PTPRD: variants seen among roughly 807,000 people sequenced by gnomAD.
PTPRD encodes receptor-type tyrosine-protein phosphatase delta.
PTPRD carries 34 observed loss-of-function variants against 214.5 expected under a neutral mutation model. That is an observed-to-expected ratio of 0.16 (90% CI 0.12 to 0.21). The LOEUF (loss-of-function observed/expected upper bound fraction) is 0.21. PTPRD is among the 10% of genes least tolerant of loss of function. PTPRD has a pLI of 1.00. For synonymous variants in PTPRD, 1,128 were observed against 845.7 expected (o/e 1.33, Z -5.79); for missense variants, 2,545 against 2,398.7 (o/e 1.06, Z -1.27).
chr9:9,787,359 A>G (rs183204456), intron 5 of PTPRD, among the ~76,000 whole-genome samples: 102 of 151,206 alleles, frequency 6.7e-4, no homozygotes, highest in African/African-American at 2.4e-3. Context: ...ATGATATATG[A>G]TGACATATAA....
intron 3 of PTPRD, among the ~76,000 whole-genome samples, chr9:10,231,511 T>C (rs1475398194): frequency 6.6e-6 from 1 of 151,952 alleles, no homozygotes; most frequent in Non-Finnish European, 1.5e-5. Context: ...GGTGAGTTCT[T>C]GGACAGAAGA....
At chr9:8,745,963 T>G (rs985584417) in intron 11 of PTPRD, among the ~76,000 whole-genome samples, 1 of 152,170 alleles carries the variant, frequency 6.6e-6, no homozygotes, top group Admixed American at 6.5e-5. Context: ...ACATTTGGTT[T>G]TTCAATTTTT....
chr9:9,304,717 G>C (rs1251873771), intron 9 of PTPRD, among the ~76,000 whole-genome samples: 1 of 150,884 alleles, frequency 6.6e-6, no homozygotes, highest in Non-Finnish European at 1.5e-5. Context: ...ATAATCTCTA[G>C]ATTTTATATG....
At chr9:10,099,995 A>G (rs1332597353) in intron 3 of PTPRD, among the ~76,000 whole-genome samples, 1 of 151,764 alleles carries the variant, frequency 6.6e-6, no homozygotes, top group Non-Finnish European at 1.5e-5. Flanking sequence ...GTGTGATTTT[A>G]TAAATTCACC....
intron 7 of PTPRD, among the ~76,000 whole-genome samples, chr9:9,598,628 G>A (rs1329034033): frequency 6.6e-6 from 1 of 151,954 alleles, no homozygotes; most frequent in East Asian, 1.9e-4. Context: ...TCTATTTAAA[G>A]AAGTCTTACA....
chr9:10,166,895 C>T (rs986559563), intron 3 of PTPRD, among the ~76,000 whole-genome samples: 1 of 152,040 alleles, frequency 6.6e-6, no homozygotes, highest in Non-Finnish European at 1.5e-5. Flanking sequence ...TGTAGGTATA[C>T]AATAATCAGC....
intron 8 of PTPRD, among the ~76,000 whole-genome samples, chr9:9,423,511 G>C (rs556339593): frequency 6.6e-6 from 1 of 152,222 alleles, no homozygotes; most frequent in Middle Eastern, 3.4e-3. Flanking sequence ...CTAGGGTAGA[G>C]AATTAAATGC....
intron 34 of PTPRD, among the ~76,000 whole-genome samples, chr9:8,447,289 G>A (rs1056074121): frequency 2.0e-5 from 3 of 152,070 alleles, no homozygotes; most frequent in Admixed American, 6.6e-5. Flanking sequence ...CATTTGAGGT[G>A]ATAAGTCTAA....
intron 2 of PTPRD, among the ~76,000 whole-genome samples, chr9:10,398,261 A>G (rs943181572): frequency 1.3e-5 from 2 of 151,522 alleles, no homozygotes; most frequent in Admixed American, 1.3e-4. Flanking sequence ...TATGCCTACA[A>G]TCCCAGCTAC....
chr9:9,417,250 T>C (rs1569568132), intron 8 of PTPRD, among the ~76,000 whole-genome samples: 2 of 152,274 alleles, frequency 1.3e-5, no homozygotes, highest in Middle Eastern at 3.4e-3. Context: ...GTTAATCTGC[T>C]TGGTAAAATT....
At chr9:9,645,917 T>A (rs930150907) in intron 7 of PTPRD, among the ~76,000 whole-genome samples, 1 of 152,228 alleles carries the variant, frequency 6.6e-6, no homozygotes, top group Non-Finnish European at 1.5e-5. Flanking sequence ...TTGTTGTGGA[T>A]ACATACTAGT....
chr9:8,728,661 ACAT>A (rs1180223978), intron 12 of PTPRD, among the ~76,000 whole-genome samples: 1 of 152,214 alleles, frequency 6.6e-6, no homozygotes. Flanking sequence ...CCTGCTTTCA[ACAT>A]CATCATTTTC....
intron 5 of PTPRD, among the ~76,000 whole-genome samples, chr9:9,933,320 A>G (rs2153938211): frequency 6.6e-6 from 1 of 152,218 alleles, no homozygotes; most frequent in African/African-American, 2.4e-5. Context: ...AGTGTGCTGT[A>G]TTCAGGAAAC....
chr9:9,221,313 G>T (rs1159451294), intron 9 of PTPRD, among the ~76,000 whole-genome samples: 2 of 152,046 alleles, frequency 1.3e-5, no homozygotes, highest in African/African-American at 2.4e-5. Flanking sequence ...ACTTGCTTCT[G>T]GTTACACTGG....
chr9:9,645,481 T>TATATA (rs551083492), intron 7 of PTPRD, among the ~76,000 whole-genome samples: 80 of 142,344 alleles, frequency 5.6e-4, no homozygotes, highest in Non-Finnish European at 8.7e-4. Flanking sequence ...ATATATATAT[T>TATATA]TTCTATTTGC....
chr9:8,857,435 A>G (rs2097945122), intron 11 of PTPRD, among the ~76,000 whole-genome samples: 1 of 152,076 alleles, frequency 6.6e-6, no homozygotes, highest in South Asian at 2.1e-4. Flanking sequence ...CGAGAAGTGA[A>G]CCCAGCAGGA....
At chr9:8,662,389 T>C (rs1194773294) in intron 12 of PTPRD, among the ~76,000 whole-genome samples, 2 of 152,146 alleles carry the variant, frequency 1.3e-5, no homozygotes, top group East Asian at 3.9e-4. Context: ...AACACCAATC[T>C]TGGGATCAAG....
At chr9:8,602,808 A>G (rs2094948350) in intron 14 of PTPRD, among the ~76,000 whole-genome samples, 1 of 152,236 alleles carries the variant, frequency 6.6e-6, no homozygotes, top group Non-Finnish European at 1.5e-5. Context: ...GTATATACAC[A>G]AAATGAATGT....
intron 2 of PTPRD, among the ~76,000 whole-genome samples, chr9:10,423,643 A>G (rs2098577162): frequency 6.6e-6 from 1 of 151,926 alleles, no homozygotes; most frequent in Non-Finnish European, 1.5e-5. Flanking sequence ...TGCAAGTGTA[A>G]GGTGTTTTTT....
Sources: gnomAD v4.1 joint callset for allele counts (sites outside exome capture counted in the v4.1 genomes callset) on GRCh38, gnomAD v4.1.1 for gene constraint, MANE v1.5 for transcripts, NCBI Gene and HGNC (gene_info 2026-07-23, HGNC 2026-07-21) for gene names.